BTRC: variants seen among roughly 807,000 people sequenced by gnomAD.
BTRC encodes the protein beta-transducin repeat containing E3 ubiquitin protein ligase, also known as F-box/WD repeat-containing protein 1A.
A neutral mutation model predicts 85.5 loss-of-function variants in BTRC; 42 were observed. That is an observed-to-expected ratio of 0.49 (90% CI 0.38 to 0.64). The LOEUF (loss-of-function observed/expected upper bound fraction) is 0.64. BTRC is among the 30% of genes least tolerant of loss of function. The pLI, the probability that BTRC is intolerant of heterozygous loss-of-function variation, is 0.00. For missense variants in BTRC, 594 were observed against 743.5 expected, an observed-to-expected ratio of 0.80 and a Z score of 2.34; for synonymous variants, 255 against 263.3, an observed-to-expected ratio of 0.97 and a Z score of 0.30.
At chr10:101,438,067 C>CT (rs1266908056) in intron 2 of BTRC, among the ~76,000 whole-genome samples, 36 of 152,040 alleles carry the variant, frequency 2.4e-4, no homozygotes, top group African/African-American at 8.2e-4. Context: ...GTACTTGATT[C>CT]TTTAACAAAA....
chr10:101,413,195 G>GCTCACTGCAACCTCTGCCT (rs1489348880), intron 1 of BTRC, among the ~76,000 whole-genome samples: 1 of 152,180 alleles, frequency 6.6e-6, no homozygotes, highest in Non-Finnish European at 1.5e-5. Flanking sequence ...TGCAATCTCG[G>GCTCACTGCAACCTCTGCCT]CTCACTGCAA....
Position 101,373,616 on chromosome 10 carries a change from G to A in BTRC, c.48+19388G>A, listed in dbSNP as rs189225110. ...GAGACTTTGAATTTAAGATATATTCGTATAAATAAAGATGGGCAGGGCCGG... is the reference window on the plus strand; with the variant it reads ...GAGACTTTGAATTTAAGATATATTCATATAAATAAAGATGGGCAGGGCCGG... On this transcript the variant is annotated intron_variant, in intron 1 of 14. Coordinates refer to ENST00000370187, the MANE Select transcript of BTRC (RefSeq NM_033637.4). Among the ~76,000 whole-genome samples the A allele has an allele frequency of 9.9e-4, 150 of 152,070 alleles. 1 individual carries two copies. The highest frequency in any genetic ancestry group is 3.5e-3 in the African/African-American group (145 of 41,494).
rs530268723 is a variant in BTRC at position 101,395,115 on chromosome 10, T to G, written c.49-35230T>G. Among the ~76,000 whole-genome samples the G allele has an allele frequency of 2.6e-5, 4 of 152,278 alleles. No homozygotes were observed. The South Asian group carries it at 8.3e-4, about 32-fold the overall frequency. Reference sequence around the variant, plus strand: ...TGGCTTCAGCTAATGTAGAAGTCATTATCACTAGGTGGCATTTGCTTGGGG... The same window carrying G: ...TGGCTTCAGCTAATGTAGAAGTCATGATCACTAGGTGGCATTTGCTTGGGG... On this transcript the variant is annotated intron_variant, in intron 1 of 14. Coordinates refer to ENST00000370187, the MANE Select transcript of BTRC (RefSeq NM_033637.4).
intron 4 of BTRC, among the ~76,000 whole-genome samples, chr10:101,506,202 C>T (rs1946537680): frequency 6.6e-6 from 1 of 152,182 alleles, no homozygotes; most frequent in Non-Finnish European, 1.5e-5. Flanking sequence ...CGTGAGCCAC[C>T]TGTAGTTTTC....
intron 5 of BTRC, 144 bp downstream of exon 5, chr10:101,522,014 CTTTTTTTTTTTTTTTTTTT>C (rs1194237945): frequency 5.4e-4 from 37 of 67,896 alleles, no homozygotes; most frequent in Middle Eastern, 7.7e-3. Context: ...TGATATAAAG[CTTTTTTTTTTTTTTTTTTT>C]TTTTTTTTTT....
chr10:101,376,973 T>G (rs1268098680), intron 1 of BTRC, among the ~76,000 whole-genome samples: 1 of 152,212 alleles, frequency 6.6e-6, no homozygotes. Flanking sequence ...TTTTTCTTAA[T>G]GTACACAGTT....
intron 1 of BTRC, among the ~76,000 whole-genome samples, chr10:101,404,024 A>T (rs1429713203): frequency 0.092 from 2,162 of 23,598 alleles, 217 homozygotes; most frequent in Non-Finnish European, 0.14. Flanking sequence ...ATATATATAT[A>T]TATATATTTT....
At chr10:101,427,662 A>G (rs1455418630) in intron 1 of BTRC, among the ~76,000 whole-genome samples, 3 of 151,462 alleles carry the variant, frequency 2.0e-5, no homozygotes, top group Non-Finnish European at 2.9e-5. Flanking sequence ...CCAAGTAGCT[A>G]GGACCACAGG....
chr10:101,383,396 TTA>T (rs201586572), intron 1 of BTRC, among the ~76,000 whole-genome samples: 32 of 149,998 alleles, frequency 2.1e-4, no homozygotes, highest in Non-Finnish European at 1.8e-4. Context: ...GTCTTCCTTT[TTA>T]AAAAAAAAAA....
intron 1 of BTRC, among the ~76,000 whole-genome samples, chr10:101,381,558 G>A (rs1209076748): frequency 6.6e-6 from 1 of 152,154 alleles, no homozygotes; most frequent in Admixed American, 6.5e-5. Context: ...GCACCTTAGA[G>A]TAGGTATTTT....
At chr10:101,474,767 C>A (rs955248301) in intron 3 of BTRC, among the ~76,000 whole-genome samples, 2 of 152,180 alleles carry the variant, frequency 1.3e-5, no homozygotes, top group African/African-American at 4.8e-5. Context: ...AGGGGAAAAG[C>A]ACATAAACAC....
In BTRC at chr10:101,554,473, C is replaced by T. The variant is rs1414347199; in HGVS notation, c.*1350C>T. On this transcript the variant is annotated 3_prime_UTR_variant, in exon 15 of 15. Transcript: ENST00000370187. ...AATATCATCTCTCAAATATTGATCT[C>T]ACCGTGTCAACCTTGCACTGCACAA... 6.6e-6 allele frequency: 1 copy of T among 152,594 alleles called. No homozygotes were observed. The highest frequency in any genetic ancestry group is 2.4e-5 in the African/African-American group (1 of 41,420). The allele number at this position is 152,594 out of a possible 1,614,324, so 9.5% of individuals were successfully genotyped here.
At chr10:101,411,221 T>G (rs774551818) in intron 1 of BTRC, among the ~76,000 whole-genome samples, 7 of 152,100 alleles carry the variant, frequency 4.6e-5, no homozygotes, top group Non-Finnish European at 8.8e-5. Flanking sequence ...CTCGAACTCC[T>G]GACCTCAAGA....
intron 6 of BTRC, among the ~76,000 whole-genome samples, chr10:101,530,509 A>C (rs577404593): frequency 9.0e-4 from 137 of 152,144 alleles, no homozygotes; most frequent in Non-Finnish European, 1.4e-3. Flanking sequence ...AAAAAAAAAA[A>C]CCTATAGGGC....
At chr10:101,415,703 G>T (rs1943927260) in intron 1 of BTRC, among the ~76,000 whole-genome samples, 2 of 150,960 alleles carry the variant, frequency 1.3e-5, no homozygotes, top group Non-Finnish European at 2.9e-5. Flanking sequence ...CACCATGCCT[G>T]GCTAATTTTG....
chr10:101,369,494 C>T (rs1487437487), intron 1 of BTRC, among the ~76,000 whole-genome samples: 1 of 152,168 alleles, frequency 6.6e-6, no homozygotes, highest in Non-Finnish European at 1.5e-5. Flanking sequence ...TTCTTGTTTA[C>T]TGAAAGATAC....
At chr10:101,432,269 A>ACGACTGTGAGACTGT (rs1944422746) in intron 2 of BTRC, among the ~76,000 whole-genome samples, 1 of 151,810 alleles carries the variant, frequency 6.6e-6, no homozygotes, top group African/African-American at 2.4e-5. Context: ...CTGAGACTAC[A>ACGACTGTGAGACTGT]GGCACACGAC....
intron 1 of BTRC, among the ~76,000 whole-genome samples, chr10:101,371,762 A>G (rs980312149): frequency 6.6e-6 from 1 of 151,982 alleles, no homozygotes; most frequent in Non-Finnish European, 1.5e-5. Context: ...TTTATTTACC[A>G]TTTGCATTTA....
chr10:101,521,946 C>G (rs1276577550), intron 5 of BTRC, 76 bp downstream of exon 5: 1 of 966,250 alleles, frequency 1.0e-6, no homozygotes, highest in Non-Finnish European at 1.4e-6. Context: ...ATATATCTCT[C>G]TTTAAAAGTC....
Sources: gnomAD v4.1 joint callset for allele counts (sites outside exome capture counted in the v4.1 genomes callset) on GRCh38, gnomAD v4.1.1 for gene constraint, MANE v1.5 for transcripts, NCBI Gene and HGNC (gene_info 2026-07-23, HGNC 2026-07-21) for gene names.